SMYD3: variants seen among roughly 807,000 people sequenced by gnomAD.
SMYD3 encodes SET and MYND domain containing 3.
SMYD3 carries 36 observed loss-of-function variants against 57.7 expected under a neutral mutation model. That is an observed-to-expected ratio of 0.62 (90% CI 0.48 to 0.82). The LOEUF (loss-of-function observed/expected upper bound fraction) is 0.82. Ranked by LOEUF, SMYD3 falls within the 40% of genes least tolerant of loss-of-function variation. The pLI, the probability that SMYD3 is intolerant of heterozygous loss-of-function variation, is 0.00. For synonymous variants in SMYD3, 211 were observed against 195.0 expected, an observed-to-expected ratio of 1.08 and a Z score of -0.68; for missense variants, 515 against 538.8, an observed-to-expected ratio of 0.96 and a Z score of 0.44.
intron 10 of SMYD3, among the ~76,000 whole-genome samples, chr1:245,827,516 T>C (rs183662489): frequency 2.3e-4 from 35 of 152,276 alleles, no homozygotes; most frequent in Non-Finnish European, 8.8e-5. Flanking sequence ...GCTCACTTCT[T>C]CCAGACAGTA....
At chr1:246,010,588 C>A (rs1193818250) in intron 5 of SMYD3, among the ~76,000 whole-genome samples, 2 of 152,154 alleles carry the variant, frequency 1.3e-5, no homozygotes, top group Non-Finnish European at 2.9e-5. Context: ...GTTATCTTTG[C>A]TTATTCATTA....
intron 1 of SMYD3, among the ~76,000 whole-genome samples, chr1:246,374,681 A>C (rs913368655): frequency 6.6e-6 from 1 of 152,196 alleles, no homozygotes; most frequent in African/African-American, 2.4e-5. Context: ...AATATATATT[A>C]AATAAGGTGG....
chr1:245,840,979 C>A (rs1572486576), intron 10 of SMYD3, among the ~76,000 whole-genome samples: 1 of 152,212 alleles, frequency 6.6e-6, no homozygotes, highest in East Asian at 1.9e-4. Context: ...TGCATGAAAG[C>A]ATTTCACAGA....
At chr1:246,113,184 AAAATAAATAAATAAATAAAT>A (rs61169442) in intron 5 of SMYD3, among the ~76,000 whole-genome samples, 25,497 of 145,434 alleles carry the variant, frequency 0.18, 4,096 homozygotes, top group African/African-American at 0.43. Flanking sequence ...TCTGTCTCAA[AAAATAAATAAATAAATAAAT>A]AAATAAATAA....
At chr1:245,940,952 C>T (rs892202316) in intron 5 of SMYD3, among the ~76,000 whole-genome samples, 6 of 152,132 alleles carry the variant, frequency 3.9e-5, no homozygotes, top group East Asian at 1.9e-4. Flanking sequence ...AGCAGAATAA[C>T]CAGTTGAGAG....
rs932947263 is a variant in SMYD3 at position 246,418,988 on chromosome 1, C to G, written c.165-63894G>C. ...CATTGTGATTTGTTCCCTCCCCACCCTAAGTGATCAATTGACTTTGTGACA... is the reference window on the plus strand; with the variant it reads ...CATTGTGATTTGTTCCCTCCCCACCGTAAGTGATCAATTGACTTTGTGACA... On this transcript the variant is annotated intron_variant, in intron 1 of 11. Transcript: ENST00000490107. Among the ~76,000 whole-genome samples, 7 of 152,190 alleles carry G rather than the reference C, an allele frequency of 4.6e-5. 1 individual carries two copies. The highest frequency in any genetic ancestry group is 1.7e-4 in the African/African-American group (7 of 41,462).
At chr1:246,205,104 C>T (rs1162429332) in intron 5 of SMYD3, among the ~76,000 whole-genome samples, 2 of 152,210 alleles carry the variant, frequency 1.3e-5, no homozygotes, top group East Asian at 3.9e-4. Context: ...GTCAAAATTA[C>T]TCCAGAAGGG....
chr1:246,221,580 T>G (rs1281352666), intron 5 of SMYD3, among the ~76,000 whole-genome samples: 1 of 152,192 alleles, frequency 6.6e-6, no homozygotes, highest in Non-Finnish European at 1.5e-5. Flanking sequence ...TTCCGGGATG[T>G]CACCACATTC....
intron 5 of SMYD3, among the ~76,000 whole-genome samples, chr1:246,240,571 A>C (rs10924599): frequency 0.23 from 31,450 of 138,216 alleles, 3,969 homozygotes; most frequent in East Asian, 0.58. Flanking sequence ...CTTGGCAATA[A>C]GGGCTCTTTT....
chr1:246,413,077 C>T (rs1457346868), intron 1 of SMYD3, among the ~76,000 whole-genome samples: 1 of 152,136 alleles, frequency 6.6e-6, no homozygotes, highest in Non-Finnish European at 1.5e-5. Flanking sequence ...AGGATTACAA[C>T]CCAATTTGTC....
intron 1 of SMYD3, among the ~76,000 whole-genome samples, chr1:246,423,493 G>C (rs1012664120): frequency 6.6e-6 from 1 of 151,846 alleles, no homozygotes; most frequent in African/African-American, 2.4e-5. Flanking sequence ...TTGAGTCCAG[G>C]AGTTCAAGAC....
rs559492477 is a variant in SMYD3, at chr1:245,977,179, G to A, written c.532-47242C>T. Among the ~76,000 whole-genome samples, 4 of 152,310 alleles carry A rather than the reference G, an allele frequency of 2.6e-5. No individual in the cohort carries two copies. In the South Asian group the frequency reaches 8.3e-4, roughly 32 times the overall value. ...ATTAGAATCATCTTTTTACAAACATGAAGGATTCAGTCACACCCACATTTC... is the reference window on the plus strand; with the variant it reads ...ATTAGAATCATCTTTTTACAAACATAAAGGATTCAGTCACACCCACATTTC... On this transcript the variant is annotated intron_variant, in intron 5 of 11. Coordinates refer to ENST00000490107, the MANE Select transcript of SMYD3 (RefSeq NM_001167740.2).
At chr1:246,096,671 C>A (rs775709512) in intron 5 of SMYD3, among the ~76,000 whole-genome samples, 2 of 152,144 alleles carry the variant, frequency 1.3e-5, no homozygotes, top group Non-Finnish European at 2.9e-5. Flanking sequence ...CAATTCTGAG[C>A]CTCAGGCAAT....
At chr1:246,481,238 A>G (rs1305062742) in intron 1 of SMYD3, among the ~76,000 whole-genome samples, 1 of 152,064 alleles carries the variant, frequency 6.6e-6, no homozygotes, top group Non-Finnish European at 1.5e-5. Context: ...TTCACATGTA[A>G]ACATGACTGG....
chr1:245,860,402 A>G (rs1466245368), intron 9 of SMYD3, among the ~76,000 whole-genome samples: 1 of 152,194 alleles, frequency 6.6e-6, no homozygotes, highest in Non-Finnish European at 1.5e-5. Context: ...AAATACTTCT[A>G]ATAAACCAAT....
chr1:246,346,446 T>C (rs1410641562), intron 2 of SMYD3, among the ~76,000 whole-genome samples: 1 of 144,832 alleles, frequency 6.9e-6, no homozygotes, highest in Admixed American at 7.1e-5. Flanking sequence ...CTTATGCTGC[T>C]ATGAAAAAAT....
intron 5 of SMYD3, among the ~76,000 whole-genome samples, chr1:246,118,856 G>C (rs904234967): frequency 1.3e-5 from 2 of 148,392 alleles, no homozygotes; most frequent in African/African-American, 4.9e-5. Flanking sequence ...TCTCAATGCA[G>C]GGGTAATGGC....
chr1:245,962,513 C>T (rs1190871643), intron 5 of SMYD3, among the ~76,000 whole-genome samples: 1 of 152,150 alleles, frequency 6.6e-6, no homozygotes, highest in Non-Finnish European at 1.5e-5. Flanking sequence ...TATTTTATTC[C>T]TCCATGTCCT....
chr1:246,402,029 C>A (rs1330982460), intron 1 of SMYD3, among the ~76,000 whole-genome samples: 1 of 152,188 alleles, frequency 6.6e-6, no homozygotes, highest in African/African-American at 2.4e-5. Context: ...GCCTCAAATA[C>A]TATTTTAAGA....
Sources: allele counts gnomAD v4.1 joint callset (sites outside exome capture counted in the v4.1 genomes callset), GRCh38; gene constraint gnomAD v4.1.1; transcripts MANE v1.5; gene names NCBI Gene and HGNC (gene_info 2026-07-23, HGNC 2026-07-21).